Variants in PDGFC observed in about 807,000 individuals in gnomAD.
The protein encoded by PDGFC is platelet derived growth factor C.
A neutral mutation model predicts 35.5 loss-of-function variants in PDGFC; 12 were observed. The ratio of observed to expected loss-of-function variants is 0.34; its 90% CI spans 0.22 to 0.55. The LOEUF (loss-of-function observed/expected upper bound fraction) is 0.55, where lower values mean the gene tolerates loss of function less well. PDGFC is among the 20% of genes least tolerant of loss of function. The pLI is 0.91. For synonymous variants in PDGFC, 159 were observed against 148.8 expected, an observed-to-expected ratio of 1.07 and a Z score of -0.50; for missense variants, 322 against 412.4, an observed-to-expected ratio of 0.78 and a Z score of 1.90.
At chr4:156,930,728 A>C (rs1486745841) in intron 1 of PDGFC, among the ~76,000 whole-genome samples, 2 of 151,750 alleles carry the variant, frequency 1.3e-5, no homozygotes, top group Non-Finnish European at 2.9e-5. Context: ...ATTAGCTGGG[A>C]GTGGTGGTGC....
chr4:156,803,122 A>G (rs1274163690), intron 3 of PDGFC, among the ~76,000 whole-genome samples: 1 of 152,144 alleles, frequency 6.6e-6, no homozygotes, highest in Non-Finnish European at 1.5e-5. Flanking sequence ...AGCAGTCCAC[A>G]TTGGAGCAGG....
chr4:156,892,837 T>C (rs181906917), intron 1 of PDGFC, among the ~76,000 whole-genome samples: 30 of 152,328 alleles, frequency 2.0e-4, no homozygotes, highest in African/African-American at 6.0e-4. Context: ...CTAAAGCTGT[T>C]ATACTTCTTA....
chr4:156,799,200 C>T (rs1216813854), intron 3 of PDGFC, among the ~76,000 whole-genome samples: 1 of 152,132 alleles, frequency 6.6e-6, no homozygotes, highest in African/African-American at 2.4e-5. Flanking sequence ...TGAAGAAGCA[C>T]AAGGAAAGGC....
chr4:156,880,922 C>T (rs191716463), intron 1 of PDGFC, among the ~76,000 whole-genome samples: 175 of 152,234 alleles, frequency 1.1e-3, no homozygotes, highest in African/African-American at 4.0e-3. Flanking sequence ...TGGAGGTGTT[C>T]TGTTATACTG....
intron 2 of PDGFC, among the ~76,000 whole-genome samples, chr4:156,812,061 TTTTAG>T (rs1211371462): frequency 2.6e-5 from 4 of 152,050 alleles, no homozygotes; most frequent in Admixed American, 2.0e-4. Flanking sequence ...TTTTGCACTG[TTTTAG>T]TTAAGATAAA....
At chr4:156,938,627 T>G (rs1387577291) in intron 1 of PDGFC, among the ~76,000 whole-genome samples, 2 of 152,094 alleles carry the variant, frequency 1.3e-5, no homozygotes, top group South Asian at 4.2e-4. Flanking sequence ...CATATAAAAT[T>G]TCATGTTTGT....
intron 2 of PDGFC, among the ~76,000 whole-genome samples, chr4:156,830,000 A>G (rs1728889115): frequency 1.3e-5 from 2 of 152,144 alleles, no homozygotes; most frequent in African/African-American, 4.8e-5. Context: ...ACCAAATAGA[A>G]ACAGGGCCCA....
In PDGFC at chr4:156,968,508, AAAG is replaced by A. The variant is rs200836487; in HGVS notation, c.118+2275_118+2277del. On this transcript the variant is annotated intron_variant, in intron 1 of 5. Coordinates refer to ENST00000502773, the MANE Select transcript of PDGFC (RefSeq NM_016205.3). The stretch of plus-strand genomic sequence containing the variant: ...ACATAATGGAAAATTTGAAAGACAA[AAAG>A]AAGAAGAAGTAGAAGTAGTAGTAGT... Among the ~76,000 whole-genome samples, 1,152 of 152,268 alleles carry A rather than the reference AAAG, an allele frequency of 7.6e-3. 7 individuals carry two copies. Among genetic ancestry groups the A allele is most frequent in the Non-Finnish European group, 9.5e-3 (643 of 68,032 alleles).
intron 5 of PDGFC, among the ~76,000 whole-genome samples, 197 bp downstream of exon 5, chr4:156,767,576 T>C (rs1035733104): frequency 4.6e-5 from 7 of 152,108 alleles, no homozygotes; most frequent in African/African-American, 1.7e-4. Context: ...AGAATATACT[T>C]TCTAAATCCC....
At chr4:156,884,887 AC>A (rs1216285878) in intron 1 of PDGFC, among the ~76,000 whole-genome samples, 1 of 152,178 alleles carries the variant, frequency 6.6e-6, no homozygotes, top group East Asian at 1.9e-4. Flanking sequence ...CTGTTTACAA[AC>A]AAGTTTTAAC....
intron 1 of PDGFC, among the ~76,000 whole-genome samples, chr4:156,966,595 A>C (rs1162045761): frequency 7.9e-5 from 12 of 152,214 alleles, no homozygotes; most frequent in Admixed American, 7.8e-4. Flanking sequence ...AGCTTGAAAA[A>C]AACATGAAGT....
intron 2 of PDGFC, among the ~76,000 whole-genome samples, chr4:156,844,089 A>T (rs796570639): frequency 6.6e-6 from 1 of 152,222 alleles, no homozygotes; most frequent in East Asian, 1.9e-4. Context: ...AATCTAGTTT[A>T]GCTTTTCTTC....
chr4:156,949,410 A>G (rs1732026278), intron 1 of PDGFC, among the ~76,000 whole-genome samples: 1 of 151,722 alleles, frequency 6.6e-6, no homozygotes, highest in South Asian at 2.1e-4. Context: ...TTGGTCATTA[A>G]AAAGTAGTAT....
intron 2 of PDGFC, among the ~76,000 whole-genome samples, chr4:156,823,208 C>G (rs1436623366): frequency 1.3e-5 from 2 of 151,886 alleles, no homozygotes; most frequent in African/African-American, 4.8e-5. Context: ...AGTTCAAGAC[C>G]CATCTGGACA....
intron 1 of PDGFC, among the ~76,000 whole-genome samples, chr4:156,889,642 A>G (rs985454727): frequency 6.6e-6 from 1 of 152,178 alleles, no homozygotes; most frequent in African/African-American, 2.4e-5. Flanking sequence ...GATCAACAGA[A>G]CTCCACTCCA....
chr4:156,907,626 G>A (rs1234207968), intron 1 of PDGFC, among the ~76,000 whole-genome samples: 1 of 152,118 alleles, frequency 6.6e-6, no homozygotes, highest in East Asian at 1.9e-4. Context: ...ATCTCAGTCG[G>A]TGGGTGGAGC....
chr4:156,874,486 C>G (rs1446706237), intron 1 of PDGFC, among the ~76,000 whole-genome samples: 1 of 151,978 alleles, frequency 6.6e-6, no homozygotes, highest in Non-Finnish European at 1.5e-5. Context: ...ATAACTGAAA[C>G]CTATTACTAG....
intron 3 of PDGFC, among the ~76,000 whole-genome samples, chr4:156,785,525 A>C (rs939626642): frequency 2.0e-5 from 3 of 152,062 alleles, no homozygotes; most frequent in Non-Finnish European, 4.4e-5. Flanking sequence ...TAAGTTTAAT[A>C]AACTTCTAAA....
At chr4:156,917,840 T>G (rs1244012524) in intron 1 of PDGFC, among the ~76,000 whole-genome samples, 3 of 152,234 alleles carry the variant, frequency 2.0e-5, no homozygotes, top group African/African-American at 7.2e-5. Context: ...TAAATAATAA[T>G]CTTTTATTTT....
Sources: allele counts gnomAD v4.1 joint callset (sites outside exome capture counted in the v4.1 genomes callset), GRCh38; gene constraint gnomAD v4.1.1; transcripts MANE v1.5; gene names NCBI Gene and HGNC (gene_info 2026-07-23, HGNC 2026-07-21).